The following KLHL3 variants were observed in gnomAD, a reference collection of about 807,000 sequenced individuals.
KLHL3 encodes the protein kelch like family member 3.
Under a neutral mutation model 70.5 loss-of-function variants are expected in KLHL3, and 19 were observed. The observed-to-expected ratio is 0.27, with a 90% CI of 0.19 to 0.40. KLHL3 has a LOEUF of 0.40. Among genes scored for constraint, KLHL3 ranks in the 10% least tolerant of loss-of-function variants. KLHL3 has a pLI of 1.00. For synonymous variants in KLHL3, 258 were observed against 290.3 expected (o/e 0.89, Z 1.13); for missense variants, 512 against 771.1 (o/e 0.66, Z 3.98).
intron 2 of KLHL3, among the ~76,000 whole-genome samples, chr5:137,718,904 C>T (rs1752946111): frequency 6.6e-6 from 1 of 152,220 alleles, no homozygotes; most frequent in African/African-American, 2.4e-5. Context: ...AAAGACTAGG[C>T]CCTGTAGAAA....
chr5:137,682,791 C>T (rs1752064972), intron 5 of KLHL3, among the ~76,000 whole-genome samples: 2 of 152,168 alleles, frequency 1.3e-5, no homozygotes, highest in Admixed American at 6.5e-5. Context: ...TCTGTATATA[C>T]CGAGCTCTAA....
chr5:137,658,883 G>C (rs982650767), intron 7 of KLHL3, among the ~76,000 whole-genome samples: 3 of 152,180 alleles, frequency 2.0e-5, no homozygotes, highest in Non-Finnish European at 4.4e-5. Flanking sequence ...AAATTACCCT[G>C]CACAAAGTCC....
chr5:137,696,667 A>G (rs949070411), intron 4 of KLHL3, among the ~76,000 whole-genome samples: 5 of 152,334 alleles, frequency 3.3e-5, no homozygotes, highest in Middle Eastern at 6.8e-3. Context: ...CACAGAGCAC[A>G]GTGAGTCAGA....
rs115111217 is a variant in KLHL3 at position 137,712,954 on chromosome 5, A to G, written c.135-3098T>C. ...ATTTTAAAAAAATGGTTTTTTTTCA[A>G]TTGTCTGCTTCACTTTTCCTCCATA... On this transcript the variant is annotated intron_variant, in intron 2 of 14. Transcript: ENST00000309755. Among the ~76,000 whole-genome samples, 822 of 152,228 alleles carry G rather than the reference A, an allele frequency of 5.4e-3. 5 individuals are homozygous for G. Among genetic ancestry groups the G allele is most frequent in the African/African-American group, 0.019 (785 of 41,518 alleles).
At position 137,665,093 on chromosome 5, in the gene KLHL3, C is replaced by T. The variant is rs188595738; in HGVS notation, c.637-3062G>A. On this transcript the variant is annotated intron_variant, in intron 6 of 14. Coordinates refer to ENST00000309755, the MANE Select transcript of KLHL3 (RefSeq NM_017415.3). ...TAACCTGAATCTTACGGTGAGGAAA[C>T]GATCAGACAACTCTATGTTTGCAAC... Among the ~76,000 whole-genome samples the T allele has an allele frequency of 2.0e-3, 298 of 152,168 alleles. 1 individual carries two copies. Among genetic ancestry groups the T allele is most frequent in the African/African-American group, 7.1e-3 (294 of 41,516 alleles).
intron 1 of KLHL3, among the ~76,000 whole-genome samples, chr5:137,725,229 C>G (rs957128903): frequency 3.9e-5 from 6 of 152,154 alleles, no homozygotes; most frequent in Admixed American, 2.0e-4. Flanking sequence ...TTGTTCAAGT[C>G]TAACACCATA....
intron 7 of KLHL3, 81 bp downstream of exon 7, chr5:137,661,834 C>T: frequency 1.3e-6 from 1 of 790,004 alleles, no homozygotes; most frequent in South Asian, 1.5e-5. Context: ...CTCAACTACT[C>T]CATCCAACCA....
intron 1 of KLHL3, among the ~76,000 whole-genome samples, chr5:137,724,607 T>G (rs1253170862): frequency 1.3e-5 from 2 of 152,126 alleles, no homozygotes; most frequent in African/African-American, 4.8e-5. Flanking sequence ...GGGAAAGACA[T>G]CAGTTTCCCC....
chr5:137,630,509 TCA>T (rs1417708023), intron 12 of KLHL3, among the ~76,000 whole-genome samples: 1 of 152,136 alleles, frequency 6.6e-6, no homozygotes, highest in African/African-American at 2.4e-5. Context: ...CTAGGAGCAG[TCA>T]CACATCTCAG....
chr5:137,697,320 C>G (rs538198831), intron 4 of KLHL3, among the ~76,000 whole-genome samples: 16 of 152,124 alleles, frequency 1.1e-4, no homozygotes, highest in Admixed American at 1.3e-4. Context: ...CCTGCCACCA[C>G]GCCCAGCTAA....
chr5:137,676,833 C>T (rs114120409), intron 6 of KLHL3, among the ~76,000 whole-genome samples: 137 of 152,302 alleles, frequency 9.0e-4, no homozygotes, highest in Non-Finnish European at 1.8e-3. Context: ...TAGTAGACTA[C>T]ATCTACTGGC....
Position 137,682,403 on chromosome 5 carries a change from TAGAGAG to T in KLHL3, c.527-4755_527-4750del, listed in dbSNP as rs10578622. On this transcript the variant is annotated intron_variant, in intron 5 of 14. Transcript: ENST00000309755. ...GAATCCCTCTCAGGGGTGCTGGACA[TAGAGAG>T]AGAGAGAGAGAGAGAGAGAGAGAGA... Among the ~76,000 whole-genome samples the T allele has an allele frequency of 8.4e-3, 1,123 of 132,946 alleles. 10 individuals are homozygous for T. The highest frequency in any genetic ancestry group is 0.015 in the African/African-American group (555 of 35,842). The allele number at this position is 132,946 out of a possible 152,430, so 87.2% of individuals were successfully genotyped here. A position where few individuals can be genotyped will look rare whatever the true frequency, so the allele number is the denominator to read the frequency against.
chr5:137,676,329 GA>G (rs1246742237), intron 6 of KLHL3, among the ~76,000 whole-genome samples: 2 of 152,162 alleles, frequency 1.3e-5, no homozygotes, highest in Admixed American at 1.3e-4. Context: ...TGTTTGTCCT[GA>G]AGTATTCCCT....
intron 6 of KLHL3, among the ~76,000 whole-genome samples, chr5:137,676,072 C>T (rs2967790): frequency 0.19 from 29,507 of 152,140 alleles, 3,121 homozygotes; most frequent in African/African-American, 0.27. Flanking sequence ...TGCACACACA[C>T]GCATTCAAGG....
intron 1 of KLHL3, among the ~76,000 whole-genome samples, chr5:137,728,469 C>A (rs892939568): frequency 6.6e-6 from 1 of 152,168 alleles, no homozygotes; most frequent in Non-Finnish European, 1.5e-5. Flanking sequence ...CATGACCCCT[C>A]CACCTCACGT....
chr5:137,682,851 G>A (rs1178525774), intron 5 of KLHL3, among the ~76,000 whole-genome samples: 2 of 152,126 alleles, frequency 1.3e-5, no homozygotes, highest in East Asian at 3.8e-4. Flanking sequence ...CTAGGGTTCA[G>A]GCAACCTCTC....
chr5:137,685,894 T>C (rs1393730674), intron 5 of KLHL3, among the ~76,000 whole-genome samples: 1 of 152,254 alleles, frequency 6.6e-6, no homozygotes, highest in Non-Finnish European at 1.5e-5. Flanking sequence ...TACATCAAGG[T>C]GCTGCCAGCA....
chr5:137,685,330 C>T (rs1189942036), intron 5 of KLHL3, among the ~76,000 whole-genome samples: 1 of 152,170 alleles, frequency 6.6e-6, no homozygotes, highest in Non-Finnish European at 1.5e-5. Flanking sequence ...AATTATACTC[C>T]ATCCATGAGA....
intron 5 of KLHL3, among the ~76,000 whole-genome samples, chr5:137,686,473 T>C (rs1202153769): frequency 6.6e-6 from 1 of 152,198 alleles, no homozygotes; most frequent in Non-Finnish European, 1.5e-5. Flanking sequence ...AGCTCCAAAG[T>C]GTTAGCTGGT....
Sources: gnomAD v4.1 joint callset for allele counts (sites outside exome capture counted in the v4.1 genomes callset) on GRCh38, gnomAD v4.1.1 for gene constraint, MANE v1.5 for transcripts, NCBI Gene and HGNC (gene_info 2026-07-23, HGNC 2026-07-21) for gene names.